Variants in TBC1D5 observed in about 807,000 individuals in gnomAD.
TBC1D5 encodes the protein TBC1 domain family member 5, also known as TBC1 domain family, member 5.
Under a neutral mutation model 100.3 loss-of-function variants are expected in TBC1D5, and 75 were observed. The ratio of observed to expected loss-of-function variants is 0.75; its 90% CI spans 0.62 to 0.91. The LOEUF (loss-of-function observed/expected upper bound fraction) is 0.91. TBC1D5 is among the 40% of genes least tolerant of loss of function. The probability of loss-of-function intolerance (pLI) is 0.00; values close to 1 mark genes in which losing one functional copy is unlikely to be tolerated. For missense variants in TBC1D5, 910 were observed against 942.4 expected (o/e 0.97, Z 0.45); for synonymous variants, 323 against 325.6 (o/e 0.99, Z 0.09).
intron 15 of TBC1D5, among the ~76,000 whole-genome samples, chr3:17,284,089 T>TACACACACACACACACACAC (rs58307801): frequency 0.025 from 3,349 of 132,622 alleles, 98 homozygotes; most frequent in Middle Eastern, 0.056. Flanking sequence ...CTCATTATTT[T>TACACACACACACACACACAC]ACACACACAC....
intron 1 of TBC1D5, among the ~76,000 whole-genome samples, chr3:17,737,009 T>C (rs999259854): frequency 1.3e-5 from 2 of 151,946 alleles, no homozygotes; most frequent in Non-Finnish European, 2.9e-5. Flanking sequence ...TGAGACTCTG[T>C]CTCAATTTAA....
chr3:17,167,796 A>G lies in TBC1D5; in HGVS notation c.1885T>C (p.Leu629=), dbSNP rs1344328452. ...ACCAGAATTTGATCTTCTTTTTCCA[A>G]ATTTTCTTGTAATATCACATCTTGA... The change falls in exon 20 of 22, where the codon TTG becomes CTG. Residue 629 remains leucine (L), a synonymous_variant. Transcript: ENST00000253692. 3 of 1,611,640 alleles carry G rather than the reference A, an allele frequency of 1.9e-6. No homozygotes were observed. The African/African-American group carries it at 4.0e-5, about 22-fold the overall frequency.
chr3:17,487,717 T>C (rs1364296095), intron 3 of TBC1D5, among the ~76,000 whole-genome samples: 1 of 152,190 alleles, frequency 6.6e-6, no homozygotes, highest in East Asian at 1.9e-4. Flanking sequence ...TGTGTTTGTA[T>C]TAAACTAGCA....
intron 8 of TBC1D5, among the ~76,000 whole-genome samples, chr3:17,392,671 A>G (rs2093387253): frequency 6.6e-6 from 1 of 152,108 alleles, no homozygotes; most frequent in South Asian, 2.1e-4. Context: ...AGCTTCATCC[A>G]TGTCCCTGCA....
At chr3:17,258,127 G>A (rs1247513371) in intron 16 of TBC1D5, among the ~76,000 whole-genome samples, 1 of 151,932 alleles carries the variant, frequency 6.6e-6, no homozygotes, top group Non-Finnish European at 1.5e-5. Flanking sequence ...AGACAGTTGG[G>A]AAACACATTT....
chr3:17,161,877 G>C lies in TBC1D5; in HGVS notation c.2095-621C>G, dbSNP rs143499577. 7.2e-3 allele frequency among the ~76,000 whole-genome samples: 1,096 copies of C among 152,302 alleles called. 10 individuals are homozygous for C. The highest frequency in any genetic ancestry group is 0.025 in the African/African-American group (1,024 of 41,548). On this transcript the variant is annotated intron_variant, in intron 21 of 21. Coordinates refer to ENST00000253692, the Ensembl canonical transcript of TBC1D5. ...TGGGTATGCACACAGGGGTCTCCTG[G>C]AGCAATGGTGGTAACCGGTAGGTTC...
chr3:17,505,533 C>T (rs1430205027), intron 3 of TBC1D5, among the ~76,000 whole-genome samples: 1 of 152,066 alleles, frequency 6.6e-6, no homozygotes, highest in Non-Finnish European at 1.5e-5. Flanking sequence ...CAAAGGATCC[C>T]CTACAGAAAA....
intron 17 of TBC1D5, among the ~76,000 whole-genome samples, chr3:17,227,624 C>T (rs1159356207): frequency 1.3e-5 from 2 of 151,896 alleles, no homozygotes; most frequent in Admixed American, 1.3e-4. Flanking sequence ...CACATGTTCT[C>T]ACTTATAAGT....
At chr3:17,308,804 G>C (rs893849277) in intron 13 of TBC1D5, among the ~76,000 whole-genome samples, 3 of 151,986 alleles carry the variant, frequency 2.0e-5, no homozygotes, top group African/African-American at 7.2e-5. Context: ...TCTAGAAAAT[G>C]AGTATCTATG....
intron 2 of TBC1D5, among the ~76,000 whole-genome samples, chr3:17,598,792 T>C (rs1320197091): frequency 6.6e-6 from 1 of 152,242 alleles, no homozygotes; most frequent in East Asian, 1.9e-4. Context: ...AATTTAGATA[T>C]ATCTTTTCTG....
intron 2 of TBC1D5, among the ~76,000 whole-genome samples, chr3:17,526,018 T>C (rs1432687455): frequency 6.6e-6 from 1 of 152,150 alleles, no homozygotes; most frequent in Non-Finnish European, 1.5e-5. Flanking sequence ...TTTAGAATGT[T>C]AAATTCAGAA....
chr3:17,480,452 G>A lies in TBC1D5; in HGVS notation c.97+28022C>T, dbSNP rs2095489111. ...TGCTTTTTCCAGCCTGCCCTTGGAC[G>A]AACCAGCATGTACTTCCTCCCTTCT... On this transcript the variant is annotated intron_variant, in intron 3 of 21. Coordinates refer to ENST00000253692, the Ensembl canonical transcript of TBC1D5. Among the ~76,000 whole-genome samples, 3 of 152,168 alleles carry A rather than the reference G, an allele frequency of 2.0e-5. No homozygotes were observed. The South Asian group carries it at 6.2e-4, about 32-fold the overall frequency.
intron 13 of TBC1D5, among the ~76,000 whole-genome samples, chr3:17,319,595 T>C (rs1033074385): frequency 6.6e-6 from 1 of 152,198 alleles, no homozygotes; most frequent in African/African-American, 2.4e-5. Flanking sequence ...GACATTTTTA[T>C]GCAGGTATTT....
intron 2 of TBC1D5, among the ~76,000 whole-genome samples, chr3:17,591,264 A>AAAAAAAAC (rs1560228217): frequency 9.0e-6 from 1 of 110,742 alleles, no homozygotes; most frequent in Non-Finnish European, 1.8e-5. Context: ...AAAAAAAAAA[A>AAAAAAAAC]AACAAAAACC....
intron 8 of TBC1D5, among the ~76,000 whole-genome samples, chr3:17,392,337 T>C (rs575314254): frequency 7.2e-5 from 11 of 152,194 alleles, no homozygotes; most frequent in African/African-American, 2.4e-4. Context: ...TCTTTCTACA[T>C]GATCCACTTG....
In TBC1D5 at chr3:17,161,064, T is replaced by C; in HGVS notation, c.2287A>G (p.Met763Val). Residue 763 changes from methionine to valine, a missense_variant, in exon 22 of 22, where the codon ATG (methionine) becomes GTG (valine). Coordinates refer to ENST00000253692, the Ensembl canonical transcript of TBC1D5. ...CTGGAGGAAGCTGAGGCTGGGCCCATCAGTGGATCTGAGAACACCAGTGGG... is the reference window on the plus strand; with the variant it reads ...CTGGAGGAAGCTGAGGCTGGGCCCACCAGTGGATCTGAGAACACCAGTGGG... The C allele has an allele frequency of 1.9e-6, 3 of 1,614,166 alleles. No individual in the cohort carries two copies. The South Asian group carries it at 3.3e-5, about 18-fold the overall frequency.
chr3:17,664,362 G>C, intron 1 of TBC1D5, among the ~76,000 whole-genome samples: 1 of 152,114 alleles, frequency 6.6e-6, no homozygotes, highest in Non-Finnish European at 1.5e-5. Flanking sequence ...GAGCCACCGT[G>C]CCTGGCCAGA....
At chr3:17,464,736 C>A (rs929957173) in intron 3 of TBC1D5, among the ~76,000 whole-genome samples, 43 of 152,006 alleles carry the variant, frequency 2.8e-4, no homozygotes, top group African/African-American at 9.9e-4. Flanking sequence ...TCATCTATAT[C>A]CTTCTTCCAT....
chr3:17,223,796 A>G (rs896318267), intron 17 of TBC1D5, among the ~76,000 whole-genome samples: 3 of 152,034 alleles, frequency 2.0e-5, no homozygotes, highest in Non-Finnish European at 4.4e-5. Context: ...AGTCCCAGCT[A>G]CTTGGGAAGA....
Sources: allele counts gnomAD v4.1 joint callset (sites outside exome capture counted in the v4.1 genomes callset), GRCh38; gene constraint gnomAD v4.1.1; transcripts MANE v1.5; gene names NCBI Gene and HGNC (gene_info 2026-07-23, HGNC 2026-07-21).